PLXNA2: variants seen among roughly 807,000 people sequenced by gnomAD.
The protein encoded by PLXNA2 is plexin A2.
A neutral mutation model predicts 193.5 loss-of-function variants in PLXNA2; 91 were observed. That is an observed-to-expected ratio of 0.47 (90% CI 0.40 to 0.56). The LOEUF (loss-of-function observed/expected upper bound fraction) is 0.56. PLXNA2 is among the 20% of genes least tolerant of loss of function. The pLI, the probability that PLXNA2 is intolerant of heterozygous loss-of-function variation, is 0.00. For missense variants in PLXNA2, 1,995 were observed against 2,503.2 expected (o/e 0.80, Z 4.33); for synonymous variants, 997 against 1,027.3 (o/e 0.97, Z 0.56).
At chr1:208,213,952 C>T (rs1671045015) in intron 2 of PLXNA2, among the ~76,000 whole-genome samples, 1 of 152,204 alleles carries the variant, frequency 6.6e-6, no homozygotes, top group South Asian at 2.1e-4. Flanking sequence ...GTGTCATCTT[C>T]CTCTTTCCTC....
Position 208,082,580 on chromosome 1 carries a change from C to T in PLXNA2, c.2299-72G>A. The stretch of plus-strand genomic sequence containing the variant: ...ACAGGGGTCAGGGATGCAGACAAAC[C>T]CTGCATGCTGCTCAGATTATTATGA... On this transcript the variant is annotated intron_variant, in intron 10 of 31. Coordinates refer to ENST00000367033, the MANE Select transcript of PLXNA2 (RefSeq NM_025179.4). The surrounding 1 kb of genome is among the most constrained non-coding windows in gnomAD (Gnocchi z 4.2). The T allele has an allele frequency of 1.0e-6, 1 of 1,000,042 alleles. No individual in the cohort carries two copies. The highest frequency in any genetic ancestry group is 1.6e-6 in the Non-Finnish European group (1 of 635,574). The allele number at this position is 1,000,042 out of a possible 1,614,324, so 61.9% of individuals were successfully genotyped here. A position where few individuals can be genotyped will look rare whatever the true frequency, so the allele number is the denominator to read the frequency against.
At chr1:208,171,693 A>G (rs1258197965) in intron 3 of PLXNA2, among the ~76,000 whole-genome samples, 1 of 152,006 alleles carries the variant, frequency 6.6e-6, no homozygotes, top group Non-Finnish European at 1.5e-5. Flanking sequence ...TGCGATAAAT[A>G]AATTTTTAAA....
At chr1:208,042,050 C>T in intron 22 of PLXNA2, 48 bp downstream of exon 22, 1 of 1,590,186 alleles carries the variant, frequency 6.3e-7, no homozygotes, top group Non-Finnish European at 8.6e-7. Flanking sequence ...GTGCTCTGTC[C>T]AGGTTCAGAC....
intron 12 of PLXNA2, among the ~76,000 whole-genome samples, chr1:208,069,846 C>T (rs1294430464): frequency 6.6e-6 from 1 of 152,198 alleles, no homozygotes; most frequent in Non-Finnish European, 1.5e-5. Context: ...AGAATGATGG[C>T]TGCTGCTTTC....
In PLXNA2 at chr1:208,210,280, C is replaced by G. The variant is rs1302676679; in HGVS notation, c.1371G>C (p.Lys457Asn). 6.2e-7 allele frequency: 1 copy of G among 1,613,558 alleles called. No individual in the cohort carries two copies. The highest frequency in any genetic ancestry group is 8.5e-7 in the Non-Finnish European group (1 of 1,179,952). Reference sequence around the variant, plus strand: ...AGCATCTGAACTCATAGACTCTTACCTTTTTCAGCTTGCCACTCTTAGTCC... The same window carrying G: ...AGCATCTGAACTCATAGACTCTTACGTTTTTCAGCTTGCCACTCTTAGTCC... The part of the protein sequence containing the change: ...FVGTKSGKLK[K>N]IRADGPPHGG... Residue 457 changes from lysine (K) to asparagine (N), a missense_variant and splice_region_variant, in exon 3 of 32, where the codon AAG becomes AAC. By Grantham distance (94) the Lys-to-Asn change is moderately conservative. This residue lies in a region of PLXNA2 where 702 missense variants were observed against 812.9 expected (regional missense o/e 0.86). Transcript: ENST00000367033.
intron 3 of PLXNA2, among the ~76,000 whole-genome samples, chr1:208,167,006 G>C (rs571918245): frequency 6.6e-6 from 1 of 152,306 alleles, no homozygotes; most frequent in African/African-American, 2.4e-5. Flanking sequence ...CCAAAATAGA[G>C]AGCAGAGCTT....
chr1:208,210,513 A>G, intron 2 of PLXNA2, 51 bp from the exon 3 acceptor site: 1 of 1,508,936 alleles, frequency 6.6e-7, no homozygotes, highest in South Asian at 1.2e-5. Context: ...GGCATGGTGA[A>G]GTCTCTACAC....
At chr1:208,050,396 A>G (rs1260933147) in intron 17 of PLXNA2, among the ~76,000 whole-genome samples, 3 of 152,238 alleles carry the variant, frequency 2.0e-5, no homozygotes, top group Admixed American at 2.0e-4. Flanking sequence ...ACCACTTCCA[A>G]TATGGGTTTT....
intron 9 of PLXNA2, among the ~76,000 whole-genome samples, chr1:208,085,922 C>T (rs1002362373): frequency 2.6e-5 from 4 of 152,128 alleles, no homozygotes; most frequent in Non-Finnish European, 5.9e-5. Flanking sequence ...CTGCTTCAGC[C>T]CCTCTTTTAG....
intron 3 of PLXNA2, among the ~76,000 whole-genome samples, chr1:208,198,411 G>A (rs967825971): frequency 4.6e-5 from 7 of 152,202 alleles, no homozygotes; most frequent in African/African-American, 1.7e-4. Flanking sequence ...CTGGCCCCAC[G>A]CTTTACCCAG....
At position 208,084,404 on chromosome 1, in the gene PLXNA2, G is replaced by A; in HGVS notation, c.2274C>T (p.Ser758=). 1 of 1,614,272 alleles carries A rather than the reference G, an allele frequency of 6.2e-7. No individual in the cohort carries two copies. The highest frequency in any genetic ancestry group is 8.5e-7 in the Non-Finnish European group (1 of 1,180,042). The change falls in exon 10 of 32, where the codon TCC becomes TCT. Residue 758 remains serine, a synonymous_variant. Coordinates refer to ENST00000367033, the MANE Select transcript of PLXNA2 (RefSeq NM_025179.4). ...CCGAGCTGTTCTGACACTGAACGCT[G>A]GAGCTGTTGAAGCGCAGAGCGGGGA... is the stretch of plus-strand genomic sequence containing the variant. ...HRVPALRFNS[S]SVQCQNSSYQ... is the part of the protein sequence containing the mutation.
At chr1:208,182,230 C>T (rs908530974) in intron 3 of PLXNA2, among the ~76,000 whole-genome samples, 41 of 152,106 alleles carry the variant, frequency 2.7e-4, no homozygotes, top group African/African-American at 9.9e-4. Context: ...GTCAGGAGTT[C>T]GAGACCAGCC....
chr1:208,028,068 A>G lies in PLXNA2; in HGVS notation c.5530T>C (p.Phe1844Leu). 1 of 1,612,550 alleles carries G rather than the reference A, an allele frequency of 6.2e-7. No individual in the cohort carries two copies. Among genetic ancestry groups the G allele is most frequent in the Non-Finnish European group, 8.5e-7 (1 of 1,179,336 alleles). ...TCATTGAGGGCACTCAGCATGTTGA[A>G]CTCCACGGCGTGCAGGCGGGACTGC... ...AEQSRLHAVE[F>L]NMLSALNEIY... The change falls in exon 31 of 32, where the codon TTC becomes CTC. Residue 1844 changes from phenylalanine (F) to leucine (L), a missense_variant. Coordinates refer to ENST00000367033, the MANE Select transcript of PLXNA2 (RefSeq NM_025179.4). The surrounding 1 kb of genome is among the most constrained non-coding windows in gnomAD (Gnocchi z 4.2).
Position 208,074,664 on chromosome 1 carries a change from C to T in PLXNA2, c.2586+4596G>A, listed in dbSNP as rs1354091439. On this transcript the variant is annotated intron_variant, in intron 12 of 31. Transcript: ENST00000367033. ...TGCGTGAGCCCACTTCTTTTTCTAACGTAGAACTCCTTTGAGATCATCTCA... is the reference window on the plus strand; with the variant it reads ...TGCGTGAGCCCACTTCTTTTTCTAATGTAGAACTCCTTTGAGATCATCTCA... Among the ~76,000 whole-genome samples the T allele has an allele frequency of 5.9e-5, 9 of 152,318 alleles. 1 individual carries two copies. Among genetic ancestry groups the T allele is most frequent in the East Asian group, 1.9e-4 (1 of 5,188 alleles).
intron 3 of PLXNA2, among the ~76,000 whole-genome samples, chr1:208,203,529 T>G (rs773410770): frequency 2.6e-5 from 4 of 152,062 alleles, no homozygotes; most frequent in Non-Finnish European, 5.9e-5. Flanking sequence ...GAGGAATGAG[T>G]GGCTATTGTT....
intron 29 of PLXNA2, 28 bp from the exon 30 acceptor site, chr1:208,029,070 G>A: frequency 1.2e-6 from 2 of 1,613,336 alleles, no homozygotes; most frequent in Non-Finnish European, 1.7e-6. Context: ...GAAGACTTGA[G>A]AATGCATGCG....
At chr1:208,219,554 G>C (rs1671254303) in intron 1 of PLXNA2, among the ~76,000 whole-genome samples, 3 of 152,230 alleles carry the variant, frequency 2.0e-5, no homozygotes, top group Admixed American at 2.0e-4. Context: ...CTCCAAGGCA[G>C]CTTAGGAGAG....
At chr1:208,093,911 C>T (rs1332739493) in intron 8 of PLXNA2, among the ~76,000 whole-genome samples, 2 of 152,166 alleles carry the variant, frequency 1.3e-5, no homozygotes, top group Non-Finnish European at 2.9e-5. Flanking sequence ...CTAGGCCAAC[C>T]TGGAATGGAC....
At chr1:208,158,577 C>T (rs192485985) in intron 3 of PLXNA2, among the ~76,000 whole-genome samples, 135 of 152,286 alleles carry the variant, frequency 8.9e-4, no homozygotes, top group Non-Finnish European at 1.7e-3. Flanking sequence ...GTGGCCTTGC[C>T]GACATCAGTT....
Sources: allele counts gnomAD v4.1 joint callset (sites outside exome capture counted in the v4.1 genomes callset), GRCh38; gene constraint gnomAD v4.1.1; regional missense constraint gnomAD v4.1.1; non-coding constraint Gnocchi (gnomAD v3.1); transcripts MANE v1.5; gene names NCBI Gene and HGNC (gene_info 2026-07-23, HGNC 2026-07-21).